The following FAM133A variants were observed in gnomAD, a reference collection of about 807,000 sequenced individuals.
FAM133A encodes the protein protein FAM133A.
For synonymous variants in FAM133A, 65 were observed against 58.6 expected (o/e 1.11, Z -0.50); for missense variants, 159 against 164.4 (o/e 0.97, Z 0.18).
intron 2 of FAM133A, among the ~76,000 whole-genome samples, chrX:93,695,805 C>T (rs58030985): frequency 2.0e-3 from 220 of 108,452 alleles, no homozygotes; most frequent in African/African-American, 6.9e-3. Context: ...CCACGCCTGG[C>T]TAATTTTTTA....
intron 2 of FAM133A, among the ~76,000 whole-genome samples, chrX:93,678,079 T>C (rs1386984418): frequency 8.9e-6 from 1 of 111,889 alleles, no homozygotes; most frequent in Non-Finnish European, 1.9e-5. Flanking sequence ...AAGTATTCAG[T>C]AGTATTTCAT....
rs1337135704 is a variant in FAM133A, at chrX:93,710,795, CAAG to C, written c.*633_*635del. The C allele has an allele frequency of 8.2e-6, 1 of 122,608 alleles. No individual in the cohort carries two copies. The highest frequency in any genetic ancestry group is 1.9e-5 in the Non-Finnish European group (1 of 53,127). The allele number at this position is 122,608 out of a possible 1,213,427, so 10.1% of individuals were successfully genotyped here. On this transcript the variant is annotated 3_prime_UTR_variant, in exon 4 of 4. Transcript: ENST00000683942. The stretch of plus-strand genomic sequence containing the variant: ...GGTGTTGTATGCTGCTTCAAGTGAA[CAAG>C]AAGGACAGGAGTTTACAGCATAAGT...
In FAM133A at chrX:93,710,267, G is replaced by C; in HGVS notation, c.*101G>C. ...CTATCAAATCCCACTGTGCCAGTAA[G>C]GGGCATAGTGGCTGCTGGCAACTTC... On this transcript the variant is annotated 3_prime_UTR_variant, in exon 4 of 4. Coordinates refer to ENST00000683942, the MANE Select transcript of FAM133A (RefSeq NM_001171109.2). 1 of 928,595 alleles carries C rather than the reference G, an allele frequency of 1.1e-6. No individual in the cohort carries two copies. Among genetic ancestry groups the C allele is most frequent in the Non-Finnish European group, 1.4e-6 (1 of 698,821 alleles). The allele number at this position is 928,595 out of a possible 1,213,427, so 76.5% of individuals were successfully genotyped here.
chrX:93,683,921 C>T (rs1925339505), intron 2 of FAM133A, among the ~76,000 whole-genome samples: 1 of 111,265 alleles, frequency 9.0e-6, no homozygotes, highest in Non-Finnish European at 1.9e-5. Flanking sequence ...TGTATGAATA[C>T]TTTGCAAATA....
At chrX:93,706,202 C>G (rs899848691) in intron 3 of FAM133A, among the ~76,000 whole-genome samples, 1 of 112,225 alleles carries the variant, frequency 8.9e-6, no homozygotes, top group East Asian at 2.8e-4. Context: ...AAGGATAATA[C>G]TTGTTTTTTG....
chrX:93,696,286 A>C (rs1926264315), intron 2 of FAM133A, among the ~76,000 whole-genome samples: 1 of 111,467 alleles, frequency 9.0e-6, no homozygotes, highest in Non-Finnish European at 1.9e-5. Flanking sequence ...AACAGAAAAT[A>C]AAATCCTCTG....
intron 3 of FAM133A, among the ~76,000 whole-genome samples, chrX:93,699,733 C>T (rs1329391279): frequency 2.7e-5 from 3 of 109,758 alleles, no homozygotes; most frequent in Admixed American, 1.9e-4. Flanking sequence ...AAGTTACAGA[C>T]CTCATGACGC....
At chrX:93,705,032 T>A (rs1423730623) in intron 3 of FAM133A, among the ~76,000 whole-genome samples, 1 of 111,225 alleles carries the variant, frequency 9.0e-6, no homozygotes. Flanking sequence ...CTGAATTAGG[T>A]CTCTGTTTCT....
intron 2 of FAM133A, among the ~76,000 whole-genome samples, chrX:93,683,981 T>G (rs1925343578): frequency 8.9e-6 from 1 of 112,161 alleles, no homozygotes; most frequent in South Asian, 3.7e-4. Context: ...TTGTTTCCTT[T>G]GCTGTGCATA....
chrX:93,677,216 G>C (rs1924774734), intron 2 of FAM133A, among the ~76,000 whole-genome samples: 1 of 110,081 alleles, frequency 9.1e-6, no homozygotes, highest in Non-Finnish European at 1.9e-5. Flanking sequence ...GAATCTGATA[G>C]TATACTCAGA....
intron 3 of FAM133A, among the ~76,000 whole-genome samples, chrX:93,705,671 A>G (rs1926992486): frequency 9.0e-6 from 1 of 111,061 alleles, no homozygotes. Flanking sequence ...CACCCTACAA[A>G]AAATCCTGCA....
chrX:93,686,116 A>C (rs762133846), intron 2 of FAM133A, among the ~76,000 whole-genome samples: 5 of 108,804 alleles, frequency 4.6e-5, no homozygotes, highest in African/African-American at 1.7e-4. Flanking sequence ...TCAAAAAAAA[A>C]AAAAAAAAAA....
At chrX:93,704,612 A>G (rs754812792) in intron 3 of FAM133A, among the ~76,000 whole-genome samples, 1 of 112,060 alleles carries the variant, frequency 8.9e-6, no homozygotes, top group South Asian at 3.7e-4. Flanking sequence ...TAATCTTTAA[A>G]TGATTTAGAG....
chrX:93,679,705 T>C (rs1924970485), intron 2 of FAM133A, among the ~76,000 whole-genome samples: 1 of 107,924 alleles, frequency 9.3e-6, no homozygotes, highest in Non-Finnish European at 1.9e-5. Context: ...GTGAGAACAC[T>C]CAAAATCTCT....
intron 2 of FAM133A, among the ~76,000 whole-genome samples, chrX:93,696,008 C>T (rs995834304): frequency 9.0e-6 from 1 of 111,442 alleles, no homozygotes; most frequent in African/African-American, 3.3e-5. Context: ...GAACTATGAG[C>T]AGCACTTTTA....
chrX:93,698,006 A>G (rs1321510425), intron 2 of FAM133A, among the ~76,000 whole-genome samples: 1 of 111,627 alleles, frequency 9.0e-6, no homozygotes, highest in African/African-American at 3.3e-5. Context: ...GTGATGGGGA[A>G]GAATTTTGTT....
At chrX:93,706,490 A>G (rs1046007630) in intron 3 of FAM133A, among the ~76,000 whole-genome samples, 1 of 111,949 alleles carries the variant, frequency 8.9e-6, no homozygotes, top group Admixed American at 9.5e-5. Flanking sequence ...AGCGACTGCC[A>G]GTTCAGTATT....
At chrX:93,699,013 T>C (rs1297528130) in intron 3 of FAM133A, among the ~76,000 whole-genome samples, 1 of 110,718 alleles carries the variant, frequency 9.0e-6, no homozygotes, top group Non-Finnish European at 1.9e-5. Flanking sequence ...ATACTAAGGT[T>C]GCACTTAGGG....
chrX:93,674,153 A>C (rs1457317885), upstream of FAM133A: 1 of 111,132 alleles, frequency 9.0e-6, no homozygotes, highest in Non-Finnish European at 1.9e-5. Flanking sequence ...TTATTGGCAG[A>C]GGAGGGAGGG....
Sources: gnomAD v4.1 joint callset for allele counts (sites outside exome capture counted in the v4.1 genomes callset) on GRCh38, gnomAD v4.1.1 for gene constraint, MANE v1.5 for transcripts, NCBI Gene and HGNC (gene_info 2026-07-23, HGNC 2026-07-21) for gene names.